Variants in CGNL1 observed in about 807,000 individuals in gnomAD.
CGNL1 encodes cingulin like 1.
CGNL1 carries 132 observed loss-of-function variants against 141.2 expected under a neutral mutation model. That is an observed-to-expected ratio of 0.93 (90% CI 0.81 to 1.08). The LOEUF (loss-of-function observed/expected upper bound fraction) is 1.08, where lower values mean the gene tolerates loss of function less well. Ranked by LOEUF, CGNL1 falls within the 50% of genes least tolerant of loss-of-function variation. The probability of loss-of-function intolerance (pLI) is 0.00; values close to 1 mark genes in which losing one functional copy is unlikely to be tolerated. For missense variants in CGNL1, 1,870 were observed against 1,588.6 expected, an observed-to-expected ratio of 1.18 and a Z score of -3.01; for synonymous variants, 690 against 622.1, an observed-to-expected ratio of 1.11 and a Z score of -1.63.
intron 8 of CGNL1, among the ~76,000 whole-genome samples, chr15:57,483,079 G>T (rs771199652): frequency 1.3e-5 from 2 of 152,156 alleles, no homozygotes; most frequent in Non-Finnish European, 2.9e-5. Context: ...GAGCCACTGC[G>T]CCTGGCCTAC....
At chr15:57,437,509 A>C (rs2063119129) in intron 1 of CGNL1, among the ~76,000 whole-genome samples, 1 of 151,338 alleles carries the variant, frequency 6.6e-6, no homozygotes, top group Non-Finnish European at 1.5e-5. Flanking sequence ...AGAATTCCTT[A>C]GCTCTTAATT....
intron 8 of CGNL1, 124 bp downstream of exon 8, chr15:57,462,016 A>C: frequency 5.4e-6 from 4 of 742,202 alleles, no homozygotes; most frequent in Non-Finnish European, 9.2e-6. Flanking sequence ...TCATCAGATC[A>C]TGGACACAGA....
intron 8 of CGNL1, among the ~76,000 whole-genome samples, chr15:57,493,293 C>T (rs546152440): frequency 6.6e-6 from 1 of 152,244 alleles, no homozygotes; most frequent in Non-Finnish European, 1.5e-5. Flanking sequence ...CACTTGTGCT[C>T]TCTTCTTTTG....
At chr15:57,473,258 C>G (rs1297330275) in intron 8 of CGNL1, among the ~76,000 whole-genome samples, 1 of 152,160 alleles carries the variant, frequency 6.6e-6, no homozygotes, top group African/African-American at 2.4e-5. Flanking sequence ...CTCTCTGACC[C>G]TCTAAATTCT....
chr15:57,451,718 A>G, intron 5 of CGNL1, 117 bp downstream of exon 5: 1 of 700,918 alleles, frequency 1.4e-6, no homozygotes, highest in Non-Finnish European at 2.4e-6. Flanking sequence ...CAAAAGAAAC[A>G]TTCCTCTAAT....
chr15:57,509,713 C>T (rs1177137383), intron 8 of CGNL1, among the ~76,000 whole-genome samples: 1 of 152,222 alleles, frequency 6.6e-6, no homozygotes, highest in African/African-American at 2.4e-5. Flanking sequence ...GGCTTGATGG[C>T]AAAGAGTGGG....
intron 1 of CGNL1, among the ~76,000 whole-genome samples, chr15:57,427,603 T>C (rs1324894241): frequency 6.6e-6 from 1 of 152,274 alleles, no homozygotes; most frequent in South Asian, 2.1e-4. Context: ...TAATTTTCCC[T>C]GATTGGATCT....
At chr15:57,394,781 A>C (rs1204807785) in intron 1 of CGNL1, among the ~76,000 whole-genome samples, 1 of 152,180 alleles carries the variant, frequency 6.6e-6, no homozygotes, top group Non-Finnish European at 1.5e-5. Flanking sequence ...CTTCATGAAC[A>C]ATATTTTCAG....
At chr15:57,488,034 T>C (rs1185378114) in intron 8 of CGNL1, among the ~76,000 whole-genome samples, 1 of 152,220 alleles carries the variant, frequency 6.6e-6, no homozygotes, top group Admixed American at 6.5e-5. Context: ...CCTGAGGGTC[T>C]TCATTTCTCC....
At chr15:57,412,636 G>T (rs1174949867) in intron 1 of CGNL1, among the ~76,000 whole-genome samples, 1 of 152,148 alleles carries the variant, frequency 6.6e-6, no homozygotes, top group Non-Finnish European at 1.5e-5. Context: ...TTATCTTGAC[G>T]CATCTCTGTG....
At chr15:57,487,580 T>TATTGTGTG (rs1433936593) in intron 8 of CGNL1, among the ~76,000 whole-genome samples, 2 of 152,250 alleles carry the variant, frequency 1.3e-5, no homozygotes, top group African/African-American at 4.8e-5. Flanking sequence ...TACTCAGATT[T>TATTGTGTG]TCCTTTTGTT....
intron 8 of CGNL1, among the ~76,000 whole-genome samples, chr15:57,506,297 G>T (rs1425922083): frequency 1.3e-5 from 2 of 152,252 alleles, no homozygotes; most frequent in African/African-American, 2.4e-5. Flanking sequence ...GAACGGCACT[G>T]CAGGGGCATG....
rs144600052 is a variant in CGNL1, at chr15:57,497,504, C to A, written c.2404-19276C>A. On this transcript the variant is annotated intron_variant, in intron 8 of 18. Transcript: ENST00000281282. Reference sequence around the variant, plus strand: ...CACATTCTCATGCTTCAACTTTGATCCTGCAAAGTAAAAGTCTGCAGACAA... The same window carrying A: ...CACATTCTCATGCTTCAACTTTGATACTGCAAAGTAAAAGTCTGCAGACAA... Among the ~76,000 whole-genome samples the A allele has an allele frequency of 8.6e-4, 131 of 152,326 alleles. 1 individual carries two copies. The highest frequency in any genetic ancestry group is 3.1e-3 in the African/African-American group (127 of 41,568).
intron 4 of CGNL1, among the ~76,000 whole-genome samples, chr15:57,449,424 G>A (rs1214115141): frequency 6.6e-6 from 1 of 152,070 alleles, no homozygotes; most frequent in Non-Finnish European, 1.5e-5. Context: ...AATAGTTTTA[G>A]GTTCTCAGTG....
At chr15:57,541,329 T>C (rs566519764) in intron 14 of CGNL1, among the ~76,000 whole-genome samples, 8 of 152,380 alleles carry the variant, frequency 5.3e-5, no homozygotes, top group East Asian at 1.9e-4. Flanking sequence ...GAGGCACGTC[T>C]GTCCTCAGTC....
chr15:57,531,648 C>A lies in CGNL1; in HGVS notation c.3202-42C>A. On this transcript the variant is annotated intron_variant, in intron 13 of 18. Transcript: ENST00000281282. The stretch of plus-strand genomic sequence containing the variant: ...GGGAGCCTTTGCTGTTAATCCCGGT[C>A]AGTGCAAGTTAAGTCAACTGTGTTT... The A allele has an allele frequency of 2.3e-6, 3 of 1,288,418 alleles. No homozygotes were observed. In the South Asian group the frequency reaches 3.6e-5, roughly 15 times the overall value. The allele number at this position is 1,288,418 out of a possible 1,614,324, so 79.8% of individuals were successfully genotyped here.
At chr15:57,470,514 A>G (rs2063568889) in intron 8 of CGNL1, among the ~76,000 whole-genome samples, 1 of 152,060 alleles carries the variant, frequency 6.6e-6, no homozygotes, top group Non-Finnish European at 1.5e-5. Context: ...GCGGGCCTCC[A>G]TGAGGGATAA....
At chr15:57,462,654 C>T (rs80322745) in intron 8 of CGNL1, among the ~76,000 whole-genome samples, 4,310 of 152,228 alleles carry the variant, frequency 0.028, 82 homozygotes, top group Non-Finnish European at 0.046. Context: ...ATTGTTTATT[C>T]TGTGATGATT....
At chr15:57,443,665 C>T (rs974870537) in intron 4 of CGNL1, among the ~76,000 whole-genome samples, 9 of 152,212 alleles carry the variant, frequency 5.9e-5, no homozygotes, top group Non-Finnish European at 1.2e-4. Flanking sequence ...GGAATCTTTA[C>T]ACCATAGTCC....
Sources: gnomAD v4.1 joint callset for allele counts (sites outside exome capture counted in the v4.1 genomes callset) on GRCh38, gnomAD v4.1.1 for gene constraint, MANE v1.5 for transcripts, NCBI Gene and HGNC (gene_info 2026-07-23, HGNC 2026-07-21) for gene names.